The following NDUFAF6 variants were observed in gnomAD, a reference collection of about 807,000 sequenced individuals.
NDUFAF6 encodes NADH dehydrogenase (ubiquinone) complex I, assembly factor 6.
In NDUFAF6, 45 loss-of-function variants were observed where a neutral mutation model predicts 40.8. The ratio of observed to expected loss-of-function variants is 1.10; its 90% confidence interval spans 0.87 to 1.42. The LOEUF is 1.42. NDUFAF6 is among the 40% of genes most tolerant of loss of function. The pLI, the probability that NDUFAF6 is intolerant of heterozygous loss-of-function variation, is 0.00. For missense variants in NDUFAF6, 435 were observed against 418.5 expected, an observed-to-expected ratio of 1.04 and a Z score of -0.34; for synonymous variants, 185 against 155.9, an observed-to-expected ratio of 1.19 and a Z score of -1.39.
chr8:94,967,876 G>T (rs1245296077), intron 1 of NDUFAF6, among the ~76,000 whole-genome samples: 1 of 151,874 alleles, frequency 6.6e-6, no homozygotes, highest in African/African-American at 2.4e-5. Flanking sequence ...GCGAGACAGA[G>T]GTTGCAGTGA....
At chr8:94,962,624 T>G (rs7822907) in intron 1 of NDUFAF6, among the ~76,000 whole-genome samples, 17 of 150,020 alleles carry the variant, frequency 1.1e-4, no homozygotes, top group African/African-American at 2.9e-4. Flanking sequence ...TTGTTTTTTT[T>G]TTTTTTGAGA....
At position 95,058,678 on chromosome 8, in the gene NDUFAF6, A is replaced by G. The variant is rs569746995; in HGVS notation, c.*741A>G. 1 of 1,039,290 alleles carries G rather than the reference A, an allele frequency of 9.6e-7. No individual in the cohort carries two copies. Among genetic ancestry groups the G allele is most frequent in the Non-Finnish European group, 1.2e-6 (1 of 865,824 alleles). 64.4% of individuals were successfully genotyped at this position (1,039,290 alleles called of 1,614,324 possible). On this transcript the variant is annotated 3_prime_UTR_variant, in exon 9 of 9. Coordinates refer to ENST00000396124, the MANE Select transcript of NDUFAF6 (RefSeq NM_152416.4). ...GTATAAGTGATATGAACGGTATTGTATTGAACATCCATTAAAGGGTTGCTA... is the reference window on the plus strand; with the variant it reads ...GTATAAGTGATATGAACGGTATTGTGTTGAACATCCATTAAAGGGTTGCTA...
intron 9 of NDUFAF6, chr8:95,066,708 G>A (rs970342516): frequency 6.6e-6 from 1 of 152,154 alleles, no homozygotes; most frequent in African/African-American, 2.4e-5. Context: ...ACAGTGAAAA[G>A]GCAGCAGAAA....
At chr8:94,950,193 C>A (rs1282509396) in intron 2 of NDUFAF6, 3 of 152,302 alleles carry the variant, frequency 2.0e-5, no homozygotes, top group East Asian at 3.8e-4. Flanking sequence ...CGGAACTTAG[C>A]CCCTCTGTTC....
chr8:95,078,677 A>ATATC (rs1554689349), downstream of NDUFAF6: 4 of 148,352 alleles, frequency 2.7e-5, no homozygotes, highest in African/African-American at 1.0e-4. Context: ...ATATATATAT[A>ATATC]TATATCCCCT....
chr8:95,002,580 G>A (rs986983537), intron 2 of NDUFAF6, among the ~76,000 whole-genome samples: 6 of 152,196 alleles, frequency 3.9e-5, no homozygotes, highest in Admixed American at 2.0e-4. Flanking sequence ...GCATTTGAAT[G>A]ATCCTGTTTG....
intron 2 of NDUFAF6, among the ~76,000 whole-genome samples, chr8:95,000,991 T>TCCACAG (rs1213309972): frequency 7.3e-5 from 11 of 150,464 alleles, no homozygotes; most frequent in African/African-American, 2.7e-4. Flanking sequence ...GGTCTCGCTC[T>TCCACAG]GTCTCCCAAG....
chr8:94,966,698 C>G (rs945762853), intron 1 of NDUFAF6, among the ~76,000 whole-genome samples: 2 of 152,198 alleles, frequency 1.3e-5, no homozygotes, highest in African/African-American at 2.4e-5. Flanking sequence ...CTCTTGGCTT[C>G]ATTAGACACT....
chr8:94,963,189 A>T (rs1230422478), intron 1 of NDUFAF6, among the ~76,000 whole-genome samples: 1 of 152,220 alleles, frequency 6.6e-6, no homozygotes, highest in Non-Finnish European at 1.5e-5. Context: ...TGTCTTATTG[A>T]TACAGAGAAA....
chr8:94,999,640 C>T (rs1268465917), intron 2 of NDUFAF6, among the ~76,000 whole-genome samples: 1 of 150,810 alleles, frequency 6.6e-6, no homozygotes, highest in Non-Finnish European at 1.5e-5. Context: ...TGGTCTCGAA[C>T]TCCTGACCTT....
At chr8:95,102,551 A>T (rs929223466) in intron 2 of NDUFAF6, among the ~76,000 whole-genome samples, 1 of 152,338 alleles carries the variant, frequency 6.6e-6, no homozygotes, top group Non-Finnish European at 1.5e-5. Flanking sequence ...GCTGTTATGC[A>T]GTGTCAGTGG....
chr8:94,922,509 C>T (rs1246974701), intron 1 of NDUFAF6, among the ~76,000 whole-genome samples: 1 of 149,002 alleles, frequency 6.7e-6, no homozygotes, highest in African/African-American at 2.5e-5. Flanking sequence ...GGCAGAGTCT[C>T]ACTCCGTCAC....
chr8:95,099,968 G>A (rs1809599711), upstream of NDUFAF6, among the ~76,000 whole-genome samples: 1 of 152,184 alleles, frequency 6.6e-6, no homozygotes, highest in East Asian at 1.9e-4. Context: ...AACATGCGCA[G>A]GTGTGTCTAG....
chr8:94,961,846 C>T (rs1162686292), intron 1 of NDUFAF6, among the ~76,000 whole-genome samples: 2 of 152,204 alleles, frequency 1.3e-5, no homozygotes, highest in African/African-American at 2.4e-5. Context: ...TACCATAATA[C>T]TGGCCTTCAT....
chr8:94,992,984 G>A (rs1826260742), intron 2 of NDUFAF6, among the ~76,000 whole-genome samples: 1 of 152,204 alleles, frequency 6.6e-6, no homozygotes. Context: ...GTTTGCTAAG[G>A]TGGCTGTGAC....
intron 1 of NDUFAF6, chr8:94,927,832 A>G (rs1820033526): frequency 6.6e-6 from 1 of 152,604 alleles, no homozygotes; most frequent in Non-Finnish European, 1.5e-5. Context: ...CTACTAATTC[A>G]GAGAGGTCTT....
chr8:94,981,867 G>T (rs941089306), intron 2 of NDUFAF6, among the ~76,000 whole-genome samples: 1 of 151,462 alleles, frequency 6.6e-6, no homozygotes, highest in African/African-American at 2.4e-5. Context: ...GGTCAAGGCT[G>T]CAGTGAGCTG....
upstream of NDUFAF6, among the ~76,000 whole-genome samples, chr8:95,021,230 TA>T (rs1827681856): frequency 6.6e-6 from 1 of 151,910 alleles, no homozygotes; most frequent in South Asian, 2.1e-4. Flanking sequence ...GTAGAGGCCG[TA>T]GGTGGCTGGT....
chr8:95,050,467 C>A (rs556291711), intron 7 of NDUFAF6, among the ~76,000 whole-genome samples: 1 of 152,272 alleles, frequency 6.6e-6, no homozygotes, highest in East Asian at 1.9e-4. Context: ...CTAATTCTGC[C>A]ATTTACTAAT....
Sources: gnomAD v4.1 joint callset for allele counts (sites outside exome capture counted in the v4.1 genomes callset) on GRCh38, gnomAD v4.1.1 for gene constraint, MANE v1.5 for transcripts, NCBI Gene and HGNC (gene_info 2026-07-23, HGNC 2026-07-21) for gene names.